RABGAP1L: variants seen among roughly 807,000 people sequenced by gnomAD.
The protein encoded by RABGAP1L is RAB GTPase activating protein 1 like, also known as rab GTPase-activating protein 1-like.
In RABGAP1L, 63 loss-of-function variants were observed where a neutral mutation model predicts 137.7. That is an observed-to-expected ratio of 0.46 (90% CI 0.37 to 0.56). The LOEUF (loss-of-function observed/expected upper bound fraction) is 0.56, where lower values mean the gene tolerates loss of function less well. RABGAP1L is among the 20% of genes least tolerant of loss of function. RABGAP1L has a pLI of 0.00. For missense variants in RABGAP1L, 1,095 were observed against 1,244.0 expected (o/e 0.88, Z 1.80); for synonymous variants, 431 against 433.7 (o/e 0.99, Z 0.08).
chr1:174,957,584 T>A, intron 20 of RABGAP1L, 35 bp downstream of exon 20: 1 of 1,542,008 alleles, frequency 6.5e-7, no homozygotes, highest in Non-Finnish European at 9.0e-7. Flanking sequence ...CAAAGTACCT[T>A]CTTTTTTGTT....
chr1:174,575,466 T>C (rs1367987042), intron 13 of RABGAP1L, among the ~76,000 whole-genome samples: 1 of 152,160 alleles, frequency 6.6e-6, no homozygotes, highest in Non-Finnish European at 1.5e-5. Flanking sequence ...CCAGATTTGT[T>C]TATCTGAAAG....
In RABGAP1L at chr1:174,448,210, C is replaced by G. The variant is rs1461094866; in HGVS notation, c.1710+54065C>G. On this transcript the variant is annotated intron_variant, in intron 13 of 25. Transcript: ENST00000681986. The surrounding 1 kb of genome is among the most constrained non-coding windows in gnomAD (Gnocchi z 4.2). ...ACTCCTGCCCACTTGGATTTGGCCA[C>G]TACAGTGTGGTGGATGTCTGCATCT... The G allele has an allele frequency of 6.2e-7, 1 of 1,614,052 alleles. No individual in the cohort carries two copies. Among genetic ancestry groups the G allele is most frequent in the South Asian group, 1.1e-5 (1 of 91,078 alleles).
intron 5 of RABGAP1L, among the ~76,000 whole-genome samples, chr1:174,247,221 G>C (rs1443890320): frequency 1.3e-5 from 2 of 152,046 alleles, no homozygotes; most frequent in Admixed American, 6.6e-5. Context: ...ATGAGAAAGG[G>C]GAAAAAAGAA....
intron 13 of RABGAP1L, among the ~76,000 whole-genome samples, chr1:174,580,020 C>A (rs1394865974): frequency 6.6e-6 from 1 of 152,140 alleles, no homozygotes; most frequent in East Asian, 1.9e-4. Context: ...CCTCGGCCTC[C>A]CAAAGTGCTG....
At chr1:174,545,240 T>C (rs1558327787) in intron 13 of RABGAP1L, 2 of 152,612 alleles carry the variant, frequency 1.3e-5, no homozygotes, top group African/African-American at 4.8e-5. Flanking sequence ...CCTTGAGCTT[T>C]GGTGGGCTCC....
intron 19 of RABGAP1L, among the ~76,000 whole-genome samples, chr1:174,933,094 GCATACATA>G (rs200140078): frequency 1.3e-5 from 2 of 151,846 alleles, no homozygotes; most frequent in African/African-American, 2.4e-5. Context: ...ATACATACAT[GCATACATA>G]CATACATACA....
At chr1:174,847,525 T>G in intron 19 of RABGAP1L, among the ~76,000 whole-genome samples, 1 of 147,970 alleles carries the variant, frequency 6.8e-6, no homozygotes, top group South Asian at 2.2e-4. Flanking sequence ...GGGTTGAAAA[T>G]TCTTTTCTTT....
intron 19 of RABGAP1L, among the ~76,000 whole-genome samples, chr1:174,831,705 A>T (rs1692131777): frequency 6.8e-6 from 1 of 147,978 alleles, no homozygotes; most frequent in African/African-American, 2.5e-5. Context: ...ATGGAGGTTC[A>T]TGGGTAGAAC....
At chr1:174,304,686 ATCTG>A (rs1480527759) in intron 10 of RABGAP1L, among the ~76,000 whole-genome samples, 3 of 152,188 alleles carry the variant, frequency 2.0e-5, no homozygotes, top group Admixed American at 2.0e-4. Flanking sequence ...TCACTTGCTT[ATCTG>A]TCTGTCCTAG....
chr1:174,335,210 A>G (rs1403053805), intron 11 of RABGAP1L, among the ~76,000 whole-genome samples: 3 of 152,334 alleles, frequency 2.0e-5, no homozygotes, highest in Middle Eastern at 3.4e-3. Flanking sequence ...TGTCAACGCA[A>G]ACATCAAAAG....
chr1:174,633,659 C>T lies in RABGAP1L; in HGVS notation c.1711-3716C>T, dbSNP rs1006071021. Among the ~76,000 whole-genome samples, 112 of 114,892 alleles carry T rather than the reference C, an allele frequency of 9.7e-4. 6 individuals carry two copies. The highest frequency in any genetic ancestry group is 8.1e-3 in the Middle Eastern group (2 of 248). The allele number at this position is 114,892 out of a possible 152,430, so 75.4% of individuals were successfully genotyped here. On this transcript the variant is annotated intron_variant, in intron 13 of 25. Transcript: ENST00000681986. ...TACTACAAGGCTACAGTAACCAAAACAGCATGGTAGTGGTACCAAAACAGA... is the reference window on the plus strand; with the variant it reads ...TACTACAAGGCTACAGTAACCAAAATAGCATGGTAGTGGTACCAAAACAGA...
At chr1:174,405,507 A>T (rs1233136355) in intron 13 of RABGAP1L, among the ~76,000 whole-genome samples, 3 of 152,226 alleles carry the variant, frequency 2.0e-5, no homozygotes, top group African/African-American at 7.2e-5. Flanking sequence ...AGGCTGTTGT[A>T]TAAAAACCAC....
At chr1:174,338,412 C>T (rs1379236425) in intron 11 of RABGAP1L, among the ~76,000 whole-genome samples, 1 of 152,100 alleles carries the variant, frequency 6.6e-6, no homozygotes, top group Non-Finnish European at 1.5e-5. Context: ...TAAAAATCCT[C>T]ATGCAGTTTT....
intron 13 of RABGAP1L, among the ~76,000 whole-genome samples, chr1:174,497,951 A>G (rs1002142421): frequency 1.3e-5 from 2 of 152,172 alleles, no homozygotes. Context: ...TTTATCTCAG[A>G]GTTCTTATCT....
At chr1:174,398,273 G>C (rs779912821) in intron 13 of RABGAP1L, among the ~76,000 whole-genome samples, 1 of 152,002 alleles carries the variant, frequency 6.6e-6, no homozygotes, top group Non-Finnish European at 1.5e-5. Context: ...CAATCTCTAC[G>C]CTCCCCTTCT....
intron 17 of RABGAP1L, among the ~76,000 whole-genome samples, chr1:174,723,046 T>C (rs1164179515): frequency 2.0e-5 from 3 of 152,066 alleles, no homozygotes; most frequent in African/African-American, 7.2e-5. Flanking sequence ...GACTCTTGCA[T>C]TATGTTGACC....
chr1:174,710,395 AT>A (rs1468308097), intron 17 of RABGAP1L, among the ~76,000 whole-genome samples: 1 of 152,222 alleles, frequency 6.6e-6, no homozygotes, highest in Non-Finnish European at 1.5e-5. Flanking sequence ...CAATGTTGAA[AT>A]GAAGGAAAAA....
chr1:174,477,103 A>G (rs925558890), intron 13 of RABGAP1L, among the ~76,000 whole-genome samples: 1 of 152,192 alleles, frequency 6.6e-6, no homozygotes, highest in African/African-American at 2.4e-5. Context: ...CTGAGATATC[A>G]AAGTTATGCA....
rs559338740 is a variant in RABGAP1L, at chr1:174,366,213, T to C, written c.1466-4766T>C. 3.5e-4 allele frequency among the ~76,000 whole-genome samples: 54 copies of C among 152,350 alleles called. No homozygotes were observed. In the South Asian group the frequency reaches 5.0e-3, roughly 14 times the overall value. On this transcript the variant is annotated intron_variant, in intron 11 of 25. Coordinates refer to ENST00000681986, the MANE Select transcript of RABGAP1L (RefSeq NM_001366446.1). ...TTCTTCTAAACATCATTTGAAGAATTATTTGTGGACACTAGACTCAAGACT... is the reference window on the plus strand; with the variant it reads ...TTCTTCTAAACATCATTTGAAGAATCATTTGTGGACACTAGACTCAAGACT...
Sources: allele counts gnomAD v4.1 joint callset (sites outside exome capture counted in the v4.1 genomes callset), GRCh38; gene constraint gnomAD v4.1.1; non-coding constraint Gnocchi (gnomAD v3.1); transcripts MANE v1.5; gene names NCBI Gene and HGNC (gene_info 2026-07-23, HGNC 2026-07-21).